Variants in PTK2 observed in about 807,000 individuals in gnomAD.
The protein encoded by PTK2 is focal adhesion kinase 1.
Under a neutral mutation model 150.1 loss-of-function variants are expected in PTK2, and 45 were observed. The observed-to-expected ratio is 0.30, with a 90% CI of 0.24 to 0.38. The LOEUF (loss-of-function observed/expected upper bound fraction) is 0.38. Among genes scored for constraint, PTK2 ranks in the 10% least tolerant of loss-of-function variants. The pLI, the probability that PTK2 is intolerant of heterozygous loss-of-function variation, is 1.00. For synonymous variants in PTK2, 432 were observed against 449.2 expected, an observed-to-expected ratio of 0.96 and a Z score of 0.48; for missense variants, 919 against 1,307.3, an observed-to-expected ratio of 0.70 and a Z score of 4.58.
At chr8:140,820,956 G>C (rs1003832315) in intron 8 of PTK2, 26 of 152,274 alleles carry the variant, frequency 1.7e-4, no homozygotes, top group African/African-American at 6.3e-4. Flanking sequence ...GGCATACTTT[G>C]GTGGGGTCAT....
intron 2 of PTK2, among the ~76,000 whole-genome samples, chr8:140,917,590 C>A (rs753825490): frequency 6.4e-4 from 98 of 152,210 alleles, no homozygotes; most frequent in Admixed American, 1.3e-3. Context: ...GCTGAATGAT[C>A]CTAAAACTAG....
At chr8:140,818,081 CA>C (rs2100105822) in intron 10 of PTK2, among the ~76,000 whole-genome samples, 195 bp downstream of exon 10, 1 of 152,128 alleles carries the variant, frequency 6.6e-6, no homozygotes, top group Non-Finnish European at 1.5e-5. Flanking sequence ...CCTTTCCTTC[CA>C]AAACTAAGTA....
chr8:140,800,541 C>T (rs2100094404), exon 12 of PTK2: 4 of 1,613,806 alleles, frequency 2.5e-6, no homozygotes, highest in African/African-American at 1.3e-5. Context: ...CCATATTCTC[C>T]GCAATGGTTA....
chr8:140,820,098 T>G (rs1566991040), intron 8 of PTK2, among the ~76,000 whole-genome samples: 1 of 91,846 alleles, frequency 1.1e-5, no homozygotes. Context: ...TTTTTTTTTT[T>G]TTTTTTTTTT....
chr8:140,832,334 C>T (rs139423719), intron 7 of PTK2, among the ~76,000 whole-genome samples: 1 of 152,296 alleles, frequency 6.6e-6, no homozygotes, highest in Non-Finnish European at 1.5e-5. Flanking sequence ...GGATTACAGG[C>T]ATGAGCCACT....
intron 14 of PTK2, among the ~76,000 whole-genome samples, chr8:140,779,391 G>A (rs1345223563): frequency 1.3e-5 from 2 of 152,182 alleles, no homozygotes; most frequent in Non-Finnish European, 2.9e-5. Context: ...ACATAGGACA[G>A]CCTTGTTCTG....
At chr8:140,969,606 A>C (rs1184295920) in intron 1 of PTK2, among the ~76,000 whole-genome samples, 1 of 152,102 alleles carries the variant, frequency 6.6e-6, no homozygotes, top group African/African-American at 2.4e-5. Context: ...CTTACCTCAC[A>C]GGTGGTTTCT....
At chr8:140,867,201 A>G (rs2100139851) in intron 4 of PTK2, among the ~76,000 whole-genome samples, 1 of 152,126 alleles carries the variant, frequency 6.6e-6, no homozygotes, top group Admixed American at 6.6e-5. Context: ...CAGGGTTTTC[A>G]TTTTTCATGA....
chr8:140,659,170 A>C, exon 32 of PTK2: 1 of 417,714 alleles, frequency 2.4e-6, no homozygotes, highest in Admixed American at 4.1e-5. Context: ...TGTGAACATA[A>C]ATTGTTCTTC....
intron 1 of PTK2, among the ~76,000 whole-genome samples, chr8:140,973,161 A>AG (rs1378380389): frequency 6.6e-6 from 1 of 152,202 alleles, no homozygotes; most frequent in Non-Finnish European, 1.5e-5. Context: ...TTGCTTTGCT[A>AG]GGGCTTATGC....
intron 30 of PTK2, among the ~76,000 whole-genome samples, chr8:140,665,832 C>T (rs13273096): frequency 0.45 from 68,216 of 151,992 alleles, 15,513 homozygotes; most frequent in Non-Finnish European, 0.49. Context: ...AATGGTTTCA[C>T]CTACTGTTGA....
intron 16 of PTK2, among the ~76,000 whole-genome samples, chr8:140,760,808 G>C (rs1405530559): frequency 6.6e-6 from 1 of 152,062 alleles, no homozygotes; most frequent in Non-Finnish European, 1.5e-5. Context: ...GTAAACTGGG[G>C]CAAATTAACA....
At chr8:140,964,741 T>C (rs1279618099) in intron 1 of PTK2, among the ~76,000 whole-genome samples, 1 of 152,086 alleles carries the variant, frequency 6.6e-6, no homozygotes, top group Non-Finnish European at 1.5e-5. Flanking sequence ...CCAAGTATAA[T>C]GCTAGCAACA....
intron 2 of PTK2, among the ~76,000 whole-genome samples, chr8:140,893,513 C>T (rs560187756): frequency 2.6e-5 from 4 of 152,286 alleles, no homozygotes; most frequent in South Asian, 2.1e-4. Flanking sequence ...ACCTTGAGAA[C>T]ATTATACTAC....
chr8:140,902,929 T>TTGTTTTTTG (rs139013580), intron 2 of PTK2, among the ~76,000 whole-genome samples: 2 of 68,392 alleles, frequency 2.9e-5, no homozygotes, highest in Non-Finnish European at 7.3e-5. Context: ...GAGTTGTTTT[T>TTGTTTTTTG]TTTTTTTTTT....
intron 27 of PTK2, among the ~76,000 whole-genome samples, chr8:140,684,603 C>T (rs1802005909): frequency 6.6e-6 from 1 of 152,176 alleles, no homozygotes; most frequent in Admixed American, 6.5e-5. Context: ...GAATGCAATC[C>T]CATTTACAAC....
chr8:140,914,802 G>A (rs1442866255), intron 2 of PTK2, among the ~76,000 whole-genome samples: 4 of 151,966 alleles, frequency 2.6e-5, no homozygotes, highest in African/African-American at 4.8e-5. Context: ...CTGAGAGGCC[G>A]AGGCGAGTGG....
chr8:140,872,860 A>G (rs1320522454), intron 4 of PTK2, among the ~76,000 whole-genome samples: 1 of 152,262 alleles, frequency 6.6e-6, no homozygotes, highest in East Asian at 1.9e-4. Flanking sequence ...AGGTAAAATT[A>G]ACATAAAATA....
intron 5 of PTK2, among the ~76,000 whole-genome samples, chr8:140,848,895 G>A (rs957891851): frequency 3.3e-5 from 5 of 152,104 alleles, no homozygotes; most frequent in African/African-American, 9.7e-5. Context: ...ATTACATGAT[G>A]AGGAAAATGC....
Sources: gnomAD v4.1 joint callset for allele counts (sites outside exome capture counted in the v4.1 genomes callset) on GRCh38, gnomAD v4.1.1 for gene constraint, MANE v1.5 for transcripts, NCBI Gene and HGNC (gene_info 2026-07-23, HGNC 2026-07-21) for gene names.